The following TGFBRAP1 variants were observed in gnomAD, a reference collection of about 807,000 sequenced individuals.
TGFBRAP1 encodes transforming growth factor-beta receptor-associated protein 1.
TGFBRAP1 carries 20 observed loss-of-function variants against 83.2 expected under a neutral mutation model. That is an observed-to-expected ratio of 0.24 (90% CI 0.17 to 0.35). The LOEUF (loss-of-function observed/expected upper bound fraction) is 0.35, where lower values mean the gene tolerates loss of function less well. TGFBRAP1 is among the 10% of genes least tolerant of loss of function. TGFBRAP1 has a pLI of 1.00. For missense variants in TGFBRAP1, 950 were observed against 1,099.4 expected (o/e 0.86, Z 1.92); for synonymous variants, 415 against 459.8 (o/e 0.90, Z 1.25).
chr2:105,277,131 G>T (rs547202714), intron 7 of TGFBRAP1, among the ~76,000 whole-genome samples: 1 of 152,142 alleles, frequency 6.6e-6, no homozygotes, highest in South Asian at 2.1e-4. Flanking sequence ...CCAATGGAGC[G>T]CGGTTCAGAT....
intron 1 of TGFBRAP1, among the ~76,000 whole-genome samples, chr2:105,309,718 T>A (rs1292250400): frequency 6.6e-6 from 1 of 152,180 alleles, no homozygotes; most frequent in Non-Finnish European, 1.5e-5. Context: ...GACACATCAG[T>A]CCTTCCTGTT....
chr2:105,254,533 T>A, the TGFBRAP1 span, among the ~76,000 whole-genome samples: 1 of 152,066 alleles, frequency 6.6e-6, no homozygotes, highest in Admixed American at 6.5e-5. Flanking sequence ...ATTTTGCACC[T>A]CCCAGAAACC....
At chr2:105,283,201 T>A (rs1032203172) in intron 5 of TGFBRAP1, among the ~76,000 whole-genome samples, 1 of 152,194 alleles carries the variant, frequency 6.6e-6, no homozygotes, top group African/African-American at 2.4e-5. Flanking sequence ...GAGAACAGCA[T>A]GTAAGAGTTG....
In TGFBRAP1 at chr2:105,269,404, A is replaced by G. The variant is rs1376250003; in HGVS notation, c.2274T>C (p.Pro758=). The G allele has an allele frequency of 1.2e-6, 2 of 1,614,030 alleles. No individual in the cohort carries two copies. Among genetic ancestry groups the G allele is most frequent in the Admixed American group, 3.3e-5 (2 of 60,024 alleles). Residue 758 remains proline (P), a synonymous_variant, in exon 11 of 12, where the codon CCT becomes CCC. Coordinates refer to ENST00000393359, the MANE Select transcript of TGFBRAP1 (RefSeq NM_004257.6). The surrounding 1 kb of genome is among the most constrained non-coding windows in gnomAD (Gnocchi z 4.1). ...FDAAQVLQML[P]DTWSVQLLCP... ...AGAGGAGCTGCACTGACCAGGTGTC[A>G]GGCAGCATCTGCAGCACCTGGGCTG...
At chr2:105,287,589 A>G (rs1677762739) in intron 4 of TGFBRAP1, among the ~76,000 whole-genome samples, 1 of 152,040 alleles carries the variant, frequency 6.6e-6, no homozygotes, top group Non-Finnish European at 1.5e-5. Flanking sequence ...CTGCATCTTC[A>G]TCTTTATACA....
chr2:105,266,232 T>C lies in TGFBRAP1; in HGVS notation c.*1151A>G, dbSNP rs925789052. The stretch of plus-strand genomic sequence containing the variant: ...GTGCTGGAGGGTGACACAGCCTGTC[T>C]GGATGTCCTCGGGAGGGTGTGCCAT... On this transcript the variant is annotated 3_prime_UTR_variant, in exon 12 of 12. Transcript: ENST00000393359. 6.6e-6 allele frequency: 1 copy of C among 152,228 alleles called. No individual in the cohort carries two copies. Among genetic ancestry groups the C allele is most frequent in the Non-Finnish European group, 1.5e-5 (1 of 68,046 alleles). 9.4% of individuals were successfully genotyped at this position (152,228 alleles called of 1,614,324 possible).
rs200831473 is a variant in TGFBRAP1 at position 105,272,958 on chromosome 2, C to A, written c.1869G>T (p.Gln623His). The A allele has an allele frequency of 2.5e-6, 4 of 1,613,538 alleles. No homozygotes were observed. The East Asian group carries it at 8.9e-5, about 36-fold the overall frequency. The change falls in exon 10 of 12, where the codon CAG becomes CAT. Residue 623 changes from glutamine to histidine, a missense_variant. Coordinates refer to ENST00000393359, the MANE Select transcript of TGFBRAP1 (RefSeq NM_004257.6). ...AVLYLEEVLL[Q>H]RASASGKGAE... ...CACCCTTGCCACTGGCGGAGGCCCT[C>A]TGCAGCAGCACCTCTTCCAGGTACA... is the stretch of plus-strand genomic sequence containing the variant.
In TGFBRAP1 at chr2:105,307,682, T is replaced by C. The variant is rs1678552598; in HGVS notation, c.620A>G (p.Glu207Gly). 6.2e-7 allele frequency: 1 copy of C among 1,613,998 alleles called. No individual in the cohort carries two copies. The highest frequency in any genetic ancestry group is 8.5e-7 in the Non-Finnish European group (1 of 1,180,032). ...CCTCTTGACGATCGGCGGCCTCTCC[T>C]CACTGCAGTAGGGAAACAGGTCCTG... is the stretch of plus-strand genomic sequence containing the variant. The part of the protein sequence containing the change: ...VSQDLFPYCS[E>G]ERPPIVKRIG... The change falls in exon 2 of 12, where the codon GAG becomes GGG. Residue 207 changes from glutamate (E) to glycine (G), a missense_variant. Transcript: ENST00000393359.
At chr2:105,295,304 A>T (rs1678045031) in intron 4 of TGFBRAP1, among the ~76,000 whole-genome samples, 1 of 152,182 alleles carries the variant, frequency 6.6e-6, no homozygotes, top group South Asian at 2.1e-4. Flanking sequence ...TCTTCTCTAA[A>T]ATCTGACCAA....
At chr2:105,275,806 G>A in intron 7 of TGFBRAP1, 103 bp from the exon 8 acceptor site, 1 of 1,270,506 alleles carries the variant, frequency 7.9e-7, no homozygotes. Context: ...TTACTTATTT[G>A]GCTTTTTAAT....
At chr2:105,280,759 G>T in intron 5 of TGFBRAP1, 36 bp from the exon 6 acceptor site, 1 of 1,579,342 alleles carries the variant, frequency 6.3e-7, no homozygotes, top group East Asian at 2.3e-5. Flanking sequence ...GAAGCAAAAA[G>T]AGAGAAGAGT....
intron 4 of TGFBRAP1, among the ~76,000 whole-genome samples, chr2:105,288,700 C>T (rs1049932035): frequency 6.6e-6 from 1 of 152,060 alleles, no homozygotes; most frequent in Non-Finnish European, 1.5e-5. Flanking sequence ...TATTAAAAAA[C>T]CATGTAAGTT....
At chr2:105,284,692 C>T (rs1677655167) in intron 4 of TGFBRAP1, among the ~76,000 whole-genome samples, 1 of 152,134 alleles carries the variant, frequency 6.6e-6, no homozygotes, top group African/African-American at 2.4e-5. Context: ...ATCAACAACC[C>T]TGGTGTTTCT....
At chr2:105,300,286 G>A (rs532787363) in intron 2 of TGFBRAP1, among the ~76,000 whole-genome samples, 57 of 152,226 alleles carry the variant, frequency 3.7e-4, no homozygotes, top group African/African-American at 1.3e-3. Context: ...TTATAATTGT[G>A]CCAGTTACAA....
chr2:105,284,297 T>C lies in TGFBRAP1; in HGVS notation c.1121+19A>G, dbSNP rs761632671. Reference sequence around the variant, plus strand: ...AGGGACACTGTAGTGGCAGTCTTGCTACCAGCACCTCAAATTACCTGAAGA... The same window carrying C: ...AGGGACACTGTAGTGGCAGTCTTGCCACCAGCACCTCAAATTACCTGAAGA... On this transcript the variant is annotated intron_variant, in intron 5 of 11. Coordinates refer to ENST00000393359, the MANE Select transcript of TGFBRAP1 (RefSeq NM_004257.6). 1 of 1,612,670 alleles carries C rather than the reference T, an allele frequency of 6.2e-7. No homozygotes were observed. Among genetic ancestry groups the C allele is most frequent in the Admixed American group, 1.7e-5 (1 of 59,984 alleles).
At chr2:105,253,892 C>T in the TGFBRAP1 span, among the ~76,000 whole-genome samples, 1 of 152,030 alleles carries the variant, frequency 6.6e-6, no homozygotes, top group East Asian at 1.9e-4. Flanking sequence ...TTTTCTTTTG[C>T]AAAATTCAGA....
At chr2:105,273,239 C>T (rs1677221296) in intron 9 of TGFBRAP1, among the ~76,000 whole-genome samples, 1 of 152,034 alleles carries the variant, frequency 6.6e-6, no homozygotes, top group South Asian at 2.1e-4. Flanking sequence ...GAAGTAAGGG[C>T]CACAGAATTT....
chr2:105,258,155 T>C, the TGFBRAP1 span, among the ~76,000 whole-genome samples: 1 of 152,332 alleles, frequency 6.6e-6, no homozygotes, highest in East Asian at 1.9e-4. Context: ...AAGTCACTGC[T>C]GCTGAGGCTC....
downstream of TGFBRAP1, among the ~76,000 whole-genome samples, chr2:105,263,488 C>T (rs1676835933): frequency 6.6e-6 from 1 of 152,150 alleles, no homozygotes; most frequent in African/African-American, 2.4e-5. Context: ...TGCACCTCAG[C>T]TTCTTCAAAT....
Sources: gnomAD v4.1 joint callset for allele counts (sites outside exome capture counted in the v4.1 genomes callset) on GRCh38, gnomAD v4.1.1 for gene constraint, Gnocchi (gnomAD v3.1) non-coding constraint, MANE v1.5 for transcripts, NCBI Gene and HGNC (gene_info 2026-07-23, HGNC 2026-07-21) for gene names.